Variants in LHFPL3 observed in about 807,000 individuals in gnomAD.
LHFPL3 encodes LHFPL tetraspan subfamily member 3 protein.
LHFPL3 carries 5 observed loss-of-function variants against 19.3 expected under a neutral mutation model. The ratio of observed to expected loss-of-function variants is 0.26; its 90% CI spans 0.14 to 0.54. The LOEUF (loss-of-function observed/expected upper bound fraction) is 0.54, where lower values mean the gene tolerates loss of function less well. LHFPL3 is among the 20% of genes least tolerant of loss of function. The probability of loss-of-function intolerance (pLI) is 0.94; values close to 1 mark genes in which losing one functional copy is unlikely to be tolerated. For missense variants in LHFPL3, 249 were observed against 307.4 expected, an observed-to-expected ratio of 0.81 and a Z score of 1.42; for synonymous variants, 133 against 126.2, an observed-to-expected ratio of 1.05 and a Z score of -0.36.
chr7:104,856,030 C>A (rs188999483), intron 2 of LHFPL3, among the ~76,000 whole-genome samples: 26 of 152,116 alleles, frequency 1.7e-4, no homozygotes, highest in African/African-American at 4.6e-4. Context: ...TTCTTTTACC[C>A]ATGTGAGAAA....
intron 1 of LHFPL3, among the ~76,000 whole-genome samples, chr7:104,684,565 C>T (rs1369722243): frequency 1.3e-5 from 2 of 152,194 alleles, no homozygotes; most frequent in African/African-American, 2.4e-5. Context: ...TCTTGTCAAC[C>T]ATTTATAATT....
At chr7:104,625,765 G>A (rs1354091464) in intron 1 of LHFPL3, among the ~76,000 whole-genome samples, 4 of 152,138 alleles carry the variant, frequency 2.6e-5, no homozygotes, top group African/African-American at 7.2e-5. Flanking sequence ...GAACTTCAAG[G>A]AGAAATTTTT....
intron 2 of LHFPL3, among the ~76,000 whole-genome samples, chr7:104,791,687 T>C (rs1790027439): frequency 6.6e-6 from 1 of 152,252 alleles, no homozygotes; most frequent in African/African-American, 2.4e-5. Flanking sequence ...CTTTGAGCTA[T>C]TTCCATTTCC....
At chr7:104,438,836 G>A (rs10085779) in intron 1 of LHFPL3, among the ~76,000 whole-genome samples, 58,690 of 151,706 alleles carry the variant, frequency 0.39, 13,641 homozygotes, top group African/African-American at 0.64. Flanking sequence ...CAACAAAATT[G>A]TTAAATCTCT....
At chr7:104,805,049 C>T (rs1414814897) in intron 2 of LHFPL3, among the ~76,000 whole-genome samples, 1 of 152,206 alleles carries the variant, frequency 6.6e-6, no homozygotes, top group Admixed American at 6.5e-5. Flanking sequence ...CTGGAGCAGC[C>T]AGAGGGCTCC....
At chr7:104,384,179 A>G (rs1229238288) in intron 1 of LHFPL3, among the ~76,000 whole-genome samples, 2 of 152,224 alleles carry the variant, frequency 1.3e-5, no homozygotes, top group Admixed American at 6.5e-5. Flanking sequence ...GAAGTGGAAG[A>G]GCTAGGGAGT....
chr7:104,430,001 C>T (rs1199416281), intron 1 of LHFPL3, among the ~76,000 whole-genome samples: 1 of 152,078 alleles, frequency 6.6e-6, no homozygotes, highest in Non-Finnish European at 1.5e-5. Context: ...GGAGAAATGG[C>T]TCAATGGCTC....
At chr7:104,860,767 T>G (rs562592551) in intron 2 of LHFPL3, among the ~76,000 whole-genome samples, 5 of 152,340 alleles carry the variant, frequency 3.3e-5, no homozygotes, top group African/African-American at 1.2e-4. Flanking sequence ...CTGTCTCTCT[T>G]CTGACATCTC....
At chr7:104,538,631 G>T (rs1794430708) in intron 1 of LHFPL3, among the ~76,000 whole-genome samples, 1 of 152,154 alleles carries the variant, frequency 6.6e-6, no homozygotes, top group African/African-American at 2.4e-5. Context: ...TTAAAATCTT[G>T]ACTCTTTCAT....
chr7:104,559,888 G>A (rs1467691923), intron 1 of LHFPL3, among the ~76,000 whole-genome samples: 1 of 141,852 alleles, frequency 7.0e-6, no homozygotes, highest in Non-Finnish European at 1.5e-5. Flanking sequence ...TTTTTAGCAT[G>A]AAGGTTGTTG....
chr7:104,870,402 C>T (rs1326453366), intron 2 of LHFPL3, among the ~76,000 whole-genome samples: 3 of 152,140 alleles, frequency 2.0e-5, no homozygotes, highest in African/African-American at 7.2e-5. Flanking sequence ...ATTCGCCCGA[C>T]TTGCACCTCT....
chr7:104,614,485 G>A (rs1220480755), intron 1 of LHFPL3, among the ~76,000 whole-genome samples: 1 of 152,078 alleles, frequency 6.6e-6, no homozygotes, highest in Non-Finnish European at 1.5e-5. Flanking sequence ...AACACACACT[G>A]AGTATGTGTG....
At chr7:104,374,206 ATATGTG>A (rs1235533989) in intron 1 of LHFPL3, among the ~76,000 whole-genome samples, 3 of 81,192 alleles carry the variant, frequency 3.7e-5, no homozygotes, top group African/African-American at 1.1e-4. Flanking sequence ...ATCTATCTAT[ATATGTG>A]TGTGTGTGTG....
At chr7:104,648,960 A>T (rs1791979138) in intron 1 of LHFPL3, among the ~76,000 whole-genome samples, 2 of 152,194 alleles carry the variant, frequency 1.3e-5, no homozygotes, top group South Asian at 4.1e-4. Context: ...AGGAAGCTCT[A>T]TGGACACATC....
At chr7:104,733,698 A>G (rs962298618) in intron 1 of LHFPL3, among the ~76,000 whole-genome samples, 2 of 152,108 alleles carry the variant, frequency 1.3e-5, no homozygotes, top group African/African-American at 4.8e-5. Context: ...GTGTCTTTTA[A>G]TTGGAGGATT....
intron 1 of LHFPL3, among the ~76,000 whole-genome samples, chr7:104,633,134 T>TA (rs1791674248): frequency 6.6e-6 from 1 of 152,226 alleles, no homozygotes; most frequent in African/African-American, 2.4e-5. Flanking sequence ...AAGAGGCTTC[T>TA]GAAATCTTTC....
chr7:104,647,287 C>T (rs1052857914), intron 1 of LHFPL3, among the ~76,000 whole-genome samples: 2 of 152,174 alleles, frequency 1.3e-5, no homozygotes, highest in Admixed American at 6.5e-5. Flanking sequence ...CCCAAATAAA[C>T]TAATCTGACC....
chr7:104,364,591 C>T (rs1790450039), intron 1 of LHFPL3, among the ~76,000 whole-genome samples: 1 of 152,132 alleles, frequency 6.6e-6, no homozygotes, highest in African/African-American at 2.4e-5. Context: ...GGGTTATGGT[C>T]ACAACTAGAT....
At chr7:104,689,624 C>T (rs1386041777) in intron 1 of LHFPL3, among the ~76,000 whole-genome samples, 1 of 152,204 alleles carries the variant, frequency 6.6e-6, no homozygotes, top group African/African-American at 2.4e-5. Flanking sequence ...TTCTCCCATC[C>T]TTCCCCAACA....
Sources: gnomAD v4.1 joint callset for allele counts (sites outside exome capture counted in the v4.1 genomes callset) on GRCh38, gnomAD v4.1.1 for gene constraint, MANE v1.5 for transcripts, NCBI Gene and HGNC (gene_info 2026-07-23, HGNC 2026-07-21) for gene names.